The following HYDIN variants were observed in gnomAD, a reference collection of about 807,000 sequenced individuals.
HYDIN encodes axonemal central pair apparatus protein HYDIN.
In HYDIN, 132 loss-of-function variants were observed where a neutral mutation model predicts 403.9. That is an observed-to-expected ratio of 0.33 (90% CI 0.28 to 0.38). The LOEUF is 0.38. HYDIN is among the 10% of genes least tolerant of loss of function. The pLI is 1.00. For missense variants in HYDIN, 2,827 were observed against 5,009.5 expected, an observed-to-expected ratio of 0.56 and a Z score of 13.15; for synonymous variants, 1,202 against 1,891.7, an observed-to-expected ratio of 0.64 and a Z score of 9.46.
At chr16:71,141,385 G>A (rs1336282953) in intron 7 of HYDIN, among the ~76,000 whole-genome samples, 7 of 151,660 alleles carry the variant, frequency 4.6e-5, no homozygotes, top group Admixed American at 4.6e-4. Flanking sequence ...CAATATAAAT[G>A]AGAATTTCTT....
rs1168363888 is a variant in HYDIN at position 70,920,714 on chromosome 16, C to T, written c.7662G>A (p.Glu2554=). The T allele has an allele frequency of 6.3e-7, 1 of 1,597,824 alleles. No homozygotes were observed. Among genetic ancestry groups the T allele is most frequent in the Admixed American group, 1.7e-5 (1 of 57,324 alleles). ...ERSDWEGEGE[E]DHEGKKEKDL... ...CCTTCTCCTTCTTCCCTTCGTGGTC[C>T]TCCTCCCCTTCCCCCTCCCAGTCGC... Residue 2554 remains glutamate, a synonymous_variant, in exon 46 of 86, where the codon GAG becomes GAA. Transcript: ENST00000393567.
At chr16:71,114,319 T>A (rs1001258425) in intron 10 of HYDIN, among the ~76,000 whole-genome samples, 10 of 149,472 alleles carry the variant, frequency 6.7e-5, no homozygotes, top group African/African-American at 2.2e-4. Context: ...TAATAATCTA[T>A]TAGTATCATT....
chr16:71,131,789 AGATAGCCTGGACTTCAGGGTCTTTG>A (rs1294689414), intron 8 of HYDIN: 5 of 145,784 alleles, frequency 3.4e-5, no homozygotes, highest in Non-Finnish European at 6.0e-5. Context: ...CATAGCTGAA[AGATAGCCTGGACTTCAGGGTCTTTG>A]GAGGTTTGAA....
At chr16:70,984,885 G>A (rs1349612728) in intron 28 of HYDIN, among the ~76,000 whole-genome samples, 2 of 151,410 alleles carry the variant, frequency 1.3e-5, no homozygotes, top group Non-Finnish European at 2.9e-5. Flanking sequence ...CAAGGGCAGC[G>A]TGAAGACATC....
chr16:71,072,747 A>G (rs2082506109), intron 13 of HYDIN, among the ~76,000 whole-genome samples: 1 of 152,022 alleles, frequency 6.6e-6, no homozygotes, highest in Non-Finnish European at 1.5e-5. Flanking sequence ...GATTACAAGT[A>G]TTTCATCAAT....
chr16:71,214,955 T>C (rs921247414), intron 1 of HYDIN, among the ~76,000 whole-genome samples: 4 of 152,150 alleles, frequency 2.6e-5, no homozygotes, highest in African/African-American at 9.7e-5. Flanking sequence ...GATAAGATAA[T>C]GGAGAGATCT....
At chr16:71,211,989 C>T (rs936621518) in intron 1 of HYDIN, among the ~76,000 whole-genome samples, 3 of 151,986 alleles carry the variant, frequency 2.0e-5, no homozygotes, top group East Asian at 1.9e-4. Flanking sequence ...TCTTCAAAAA[C>T]GTCAATGTGC....
intron 1 of HYDIN, among the ~76,000 whole-genome samples, chr16:71,217,827 G>A (rs1002585052): frequency 1.3e-5 from 2 of 152,180 alleles, no homozygotes; most frequent in Non-Finnish European, 2.9e-5. Context: ...CTGCTTTGCG[G>A]GAGAGCCATT....
At chr16:71,047,546 A>C (rs2081493460) in intron 18 of HYDIN, among the ~76,000 whole-genome samples, 1 of 151,948 alleles carries the variant, frequency 6.6e-6, no homozygotes, top group Non-Finnish European at 1.5e-5. Flanking sequence ...CCTCTTTGGC[A>C]CTAAACGGGT....
In HYDIN at chr16:70,884,003, A is replaced by G. The variant is rs754423675; in HGVS notation, c.9896T>C (p.Ile3299Thr). 6.2e-7 allele frequency: 1 copy of G among 1,614,226 alleles called. No individual in the cohort carries two copies. Residue 3299 changes from isoleucine (I) to threonine (T), a missense_variant, in exon 59 of 86, where the codon ATA (isoleucine) becomes ACA (threonine). Ile to Thr is a moderately conservative substitution (Grantham distance 89). Coordinates refer to ENST00000393567, the MANE Select transcript of HYDIN (RefSeq NM_001270974.2). ...ADAMGKCEEFIAIDISGRDPA... is the reference protein window; with the variant it reads ...ADAMGKCEEFTAIDISGRDPA... Reference sequence around the variant, plus strand: ...GTCTCGGCCGGAGATATCGATGGCTATAAACTCCTCACACTTTCCCATGGC... The same window carrying G: ...GTCTCGGCCGGAGATATCGATGGCTGTAAACTCCTCACACTTTCCCATGGC...
At chr16:70,820,279 C>A (rs1051262933) in intron 83 of HYDIN, among the ~76,000 whole-genome samples, 4 of 147,820 alleles carry the variant, frequency 2.7e-5, no homozygotes, top group Non-Finnish European at 6.0e-5. Context: ...CAAGCTCCCC[C>A]TCCTGGTTTC....
intron 35 of HYDIN, among the ~76,000 whole-genome samples, chr16:70,972,007 A>G (rs547480315): frequency 6.6e-6 from 1 of 151,998 alleles, no homozygotes; most frequent in Non-Finnish European, 1.5e-5. Context: ...ACTAACTTTG[A>G]CCAATTCCAA....
chr16:71,042,912 C>T (rs1413382842), intron 18 of HYDIN, among the ~76,000 whole-genome samples: 1 of 151,634 alleles, frequency 6.6e-6, no homozygotes, highest in Non-Finnish European at 1.5e-5. Flanking sequence ...AGCATTCTCT[C>T]CTGTGTTTGA....
chr16:71,175,424 C>A (rs2086631553), intron 5 of HYDIN, among the ~76,000 whole-genome samples, 183 bp downstream of exon 5: 1 of 151,988 alleles, frequency 6.6e-6, no homozygotes, highest in Non-Finnish European at 1.5e-5. Context: ...CCACTACCCA[C>A]CACCCTCCAG....
At chr16:70,913,320 T>G (rs1298756518) in intron 47 of HYDIN, among the ~76,000 whole-genome samples, 1 of 152,184 alleles carries the variant, frequency 6.6e-6, no homozygotes, top group Non-Finnish European at 1.5e-5. Flanking sequence ...TCCCAGAGGT[T>G]TTGATAGGTT....
rs1271908536 is a variant in HYDIN at position 71,186,926 on chromosome 16, T to A, written c.-23-8A>T. On this transcript the variant is annotated splice_polypyrimidine_tract_variant and splice_region_variant and intron_variant, in intron 1 of 85. Coordinates refer to ENST00000393567, the MANE Select transcript of HYDIN (RefSeq NM_001270974.2). Reference sequence around the variant, plus strand: ...GTAATTTTTTTTTCTCACCTAAGAGTGAAACAAAAATGTCTTAGAACAAAT... The same window carrying A: ...GTAATTTTTTTTTCTCACCTAAGAGAGAAACAAAAATGTCTTAGAACAAAT... 6.3e-7 allele frequency: 1 copy of A among 1,580,764 alleles called. No homozygotes were observed. Among genetic ancestry groups the A allele is most frequent in the Non-Finnish European group, 8.6e-7 (1 of 1,160,366 alleles).
intron 84 of HYDIN, among the ~76,000 whole-genome samples, 187 bp downstream of exon 84, chr16:70,818,155 C>T (rs2035966367): frequency 6.6e-6 from 1 of 152,030 alleles, no homozygotes; most frequent in Non-Finnish European, 1.5e-5. Flanking sequence ...AACGATGTGC[C>T]CAAGCTCCTA....
At chr16:71,161,207 T>TA (rs138170436) in intron 6 of HYDIN, among the ~76,000 whole-genome samples, 5,478 of 149,734 alleles carry the variant, frequency 0.037, 373 homozygotes, top group African/African-American at 0.13. Flanking sequence ...CTAGATCTCT[T>TA]ACACGCACAG....
At chr16:71,033,507 T>C (rs1448353797) in intron 18 of HYDIN, among the ~76,000 whole-genome samples, 5 of 151,816 alleles carry the variant, frequency 3.3e-5, no homozygotes, top group South Asian at 2.1e-4. Context: ...GAAGCCATTA[T>C]CCCCAGCAAA....
Sources: allele counts gnomAD v4.1 joint callset (sites outside exome capture counted in the v4.1 genomes callset), GRCh38; gene constraint gnomAD v4.1.1; transcripts MANE v1.5; gene names NCBI Gene and HGNC (gene_info 2026-07-23, HGNC 2026-07-21).